TTC5: variants seen among roughly 807,000 people sequenced by gnomAD.
The protein encoded by TTC5 is tetratricopeptide repeat protein 5.
TTC5 carries 46 observed loss-of-function variants against 57.4 expected under a neutral mutation model. That is an observed-to-expected ratio of 0.80 (90% CI 0.63 to 1.03). The LOEUF is 1.03. Ranked by LOEUF, TTC5 falls within the 50% of genes least tolerant of loss-of-function variation. The probability of loss-of-function intolerance (pLI) is 0.00; values close to 1 mark genes in which losing one functional copy is unlikely to be tolerated. For missense variants in TTC5, 504 were observed against 528.1 expected (o/e 0.95, Z 0.45); for synonymous variants, 190 against 203.5 (o/e 0.93, Z 0.57).
Position 20,289,130 on chromosome 14 carries a change from G to GGT in TTC5, c.*496_*497insAC, listed in dbSNP as rs141950798. The GGT allele has an allele frequency of 6.8e-6, 1 of 146,366 alleles. No individual in the cohort carries two copies. The highest frequency in any genetic ancestry group is 1.5e-5 in the Non-Finnish European group (1 of 66,768). 9.1% of individuals were successfully genotyped at this position (146,366 alleles called of 1,614,324 possible). On this transcript the variant is annotated 3_prime_UTR_variant, in exon 10 of 10. Transcript: ENST00000258821. ...AATAAAGCAGGCCAAACTACGTGGT[G>GGT]TTTTTTTTTTTTTCCAAACAAATTT...
In TTC5 at chr14:20,305,894, T is replaced by C. The variant is rs746656005; in HGVS notation, c.44A>G (p.Lys15Arg). The change falls in exon 1 of 10, where the codon AAA becomes AGA. Residue 15 changes from lysine to arginine, a missense_variant. Lys to Arg is a conservative substitution (Grantham distance 26). Coordinates refer to ENST00000258821, the MANE Select transcript of TTC5 (RefSeq NM_138376.3). ...EEEEVKPILQ[K>R]LQELVDQLYS... ...TTTAATCTACGGCCCCACCTGCAATTTCTGCAAGATCGGCTTGACTTCTTC... is the reference window on the plus strand; with the variant it reads ...TTTAATCTACGGCCCCACCTGCAATCTCTGCAAGATCGGCTTGACTTCTTC... 3 of 1,614,056 alleles carry C rather than the reference T, an allele frequency of 1.9e-6. No homozygotes were observed. In the Admixed American group the frequency reaches 5.0e-5, roughly 27 times the overall value.
At chr14:20,305,034 G>A (rs894286206) in intron 1 of TTC5, among the ~76,000 whole-genome samples, 1 of 151,946 alleles carries the variant, frequency 6.6e-6, no homozygotes, top group Admixed American at 6.6e-5. Flanking sequence ...TTCTAATATA[G>A]AACCAGAATT....
chr14:20,289,558 G>T lies in TTC5; in HGVS notation c.*69C>A. The T allele has an allele frequency of 2.6e-6, 4 of 1,533,512 alleles. No individual in the cohort carries two copies. Among genetic ancestry groups the T allele is most frequent in the Non-Finnish European group, 3.5e-6 (4 of 1,139,740 alleles). 95.0% of individuals were successfully genotyped at this position (1,533,512 alleles called of 1,614,324 possible). A position where few individuals can be genotyped will look rare whatever the true frequency, so the allele number is the denominator to read the frequency against. On this transcript the variant is annotated 3_prime_UTR_variant, in exon 10 of 10. Transcript: ENST00000258821. ...TCCCATCCCTGCTGAATCACTGGAT[G>T]TGGCTGGACCGGCTGTCCAGAGCCT...
chr14:20,288,113 T>G lies in TTC5; in HGVS notation c.*1514A>C, dbSNP rs1881876106. On this transcript the variant is annotated 3_prime_UTR_variant, in exon 10 of 10. Coordinates refer to ENST00000258821, the MANE Select transcript of TTC5 (RefSeq NM_138376.3). ...GCTATACCTGAGAATGTAAGCCTTT[T>G]TGGACCAAAAGAATGGACTGAAAAT... is the stretch of plus-strand genomic sequence containing the variant. The G allele has an allele frequency of 6.6e-6, 1 of 152,212 alleles. No individual in the cohort carries two copies. The highest frequency in any genetic ancestry group is 2.4e-5 in the African/African-American group (1 of 41,466). The allele number at this position is 152,212 out of a possible 1,614,324, so 9.4% of individuals were successfully genotyped here. A position where few individuals can be genotyped will look rare whatever the true frequency, so the allele number is the denominator to read the frequency against.
chr14:20,293,791 G>A (rs189827708), intron 8 of TTC5: 4 of 152,358 alleles, frequency 2.6e-5, no homozygotes, highest in Admixed American at 2.6e-4. Flanking sequence ...TCAAGTGACT[G>A]AGAGGTGATA....
In TTC5 at chr14:20,295,813, G is replaced by A; in HGVS notation, c.738C>T (p.Gly246=). ...GGTCCAGGGCTGCAGCCCGAGAGAA[G>A]CCCTCCAGGGCCTCCCCATAACTCT... is the stretch of plus-strand genomic sequence containing the variant. ...YEESYGEALE[G]FSRAAALDPA... is the part of the protein sequence containing the mutation. The change falls in exon 7 of 10, where the codon GGC becomes GGT. Residue 246 remains glycine, a synonymous_variant. Coordinates refer to ENST00000258821, the MANE Select transcript of TTC5 (RefSeq NM_138376.3). 6.3e-7 allele frequency: 1 copy of A among 1,597,868 alleles called. No homozygotes were observed. Among genetic ancestry groups the A allele is most frequent in the East Asian group, 2.2e-5 (1 of 44,826 alleles).
chr14:20,300,809 T>C lies in TTC5; in HGVS notation c.194A>G (p.Gln65Arg). Reference sequence around the variant, plus strand: ...TAGCATTAGAACTTGTGCCTTGCCCTGGACAGAACCTAAGAGGAAGAAAAA... The same window carrying C: ...TAGCATTAGAACTTGTGCCTTGCCCCGGACAGAACCTAAGAGGAAGAAAAA... ...QQMEEVVGSV[Q>R]GKAQVLMLTG... The change falls in exon 3 of 10, where the codon CAG becomes CGG. Residue 65 changes from glutamine to arginine, a missense_variant. Coordinates refer to ENST00000258821, the MANE Select transcript of TTC5 (RefSeq NM_138376.3). 1.2e-6 allele frequency: 2 copies of C among 1,609,224 alleles called. No homozygotes were observed. The highest frequency in any genetic ancestry group is 1.7e-6 in the Non-Finnish European group (2 of 1,178,462).
rs776841005 is a variant in TTC5 at position 20,287,569 on chromosome 14, G to A, written c.*2058C>T. The A allele has an allele frequency of 5.9e-5, 9 of 152,142 alleles. No homozygotes were observed. Among genetic ancestry groups the A allele is most frequent in the Non-Finnish European group, 1.3e-4 (9 of 68,022 alleles). The allele number at this position is 152,142 out of a possible 1,614,324, so 9.4% of individuals were successfully genotyped here. On this transcript the variant is annotated 3_prime_UTR_variant, in exon 10 of 10. Coordinates refer to ENST00000258821, the MANE Select transcript of TTC5 (RefSeq NM_138376.3). ...TTATCAATGATGTTCTAGTTTTTAA[G>A]GCAGGTGGATATTTTATGGGTATTC...
In TTC5 at chr14:20,298,789, G is replaced by T. The variant is rs762532141; in HGVS notation, c.639+8C>A. The T allele has an allele frequency of 6.2e-7, 1 of 1,603,472 alleles. No individual in the cohort carries two copies. Among genetic ancestry groups the T allele is most frequent in the Non-Finnish European group, 8.5e-7 (1 of 1,170,322 alleles). ...TATTCATCTGGCCTGGTGACCATAA[G>T]TACTTACTGCTTGGGCATAGGCACT... On this transcript the variant is annotated splice_region_variant and intron_variant, in intron 5 of 9. Coordinates refer to ENST00000258821, the MANE Select transcript of TTC5 (RefSeq NM_138376.3).
intron 5 of TTC5, among the ~76,000 whole-genome samples, 162 bp downstream of exon 5, chr14:20,298,635 C>CA (rs1198860469): frequency 2.0e-5 from 3 of 152,182 alleles, no homozygotes; most frequent in East Asian, 1.9e-4. Flanking sequence ...TATAAGAAGT[C>CA]AGTCATCTCT....
At position 20,301,949 on chromosome 14, in the gene TTC5, A is replaced by G. The variant is rs145760471; in HGVS notation, c.68T>C (p.Leu23Pro). 1.9e-6 allele frequency: 3 copies of G among 1,613,968 alleles called. No homozygotes were observed. Among genetic ancestry groups the G allele is most frequent in the Non-Finnish European group, 2.5e-6 (3 of 1,179,992 alleles). The stretch of plus-strand genomic sequence containing the variant: ...GAAATAGCAGTCTCGAAATGAGTAG[A>G]GCTGATCCACGAGTTCCTAAAAAGT... ...LQKLQELVDQ[L>P]YSFRDCYFET... The change falls in exon 2 of 10, where the codon CTC becomes CCC. Residue 23 changes from leucine (L) to proline (P), a missense_variant. Leu to Pro is a moderately conservative substitution (Grantham distance 98). Transcript: ENST00000258821.
intron 8 of TTC5, 42 bp from the exon 9 acceptor site, chr14:20,292,169 G>A (rs760746779): frequency 5.6e-6 from 8 of 1,416,374 alleles, no homozygotes; most frequent in Middle Eastern, 1.9e-4. Flanking sequence ...AAACAAAAAG[G>A]TATGTGGGTA....
intron 6 of TTC5, among the ~76,000 whole-genome samples, chr14:20,296,127 T>C (rs1263751597): frequency 1.3e-5 from 2 of 152,196 alleles, no homozygotes; most frequent in Non-Finnish European, 2.9e-5. Context: ...ACCTTTATAT[T>C]TACTTAACAT....
chr14:20,299,302 G>C lies in TTC5; in HGVS notation c.543C>G (p.Ser181=). ...AGATCTTTTGAGAGCACTCACACCA[G>C]GAGCGGCCATCATGGACATCCATCT... The part of the protein sequence containing the change: ...AVQMDVHDGR[S]WYILGNSYLS... Residue 181 remains serine, a synonymous_variant, in exon 4 of 10, where the codon TCC becomes TCG. Coordinates refer to ENST00000258821, the MANE Select transcript of TTC5 (RefSeq NM_138376.3). 1.9e-6 allele frequency: 3 copies of C among 1,613,596 alleles called. No homozygotes were observed. The highest frequency in any genetic ancestry group is 2.5e-6 in the Non-Finnish European group (3 of 1,179,712).
rs978080810 is a variant in TTC5, at chr14:20,287,407, G to A, written c.*2220C>T. The stretch of plus-strand genomic sequence containing the variant: ...AGAATATTAATAATGTAGTGCTTTG[G>A]TAGTAAAAAAAGAAAAACTGGAAAC... On this transcript the variant is annotated 3_prime_UTR_variant, in exon 10 of 10. Coordinates refer to ENST00000258821, the MANE Select transcript of TTC5 (RefSeq NM_138376.3). The A allele has an allele frequency of 2.6e-5, 4 of 151,944 alleles. No homozygotes were observed. The highest frequency in any genetic ancestry group is 4.4e-5 in the Non-Finnish European group (3 of 68,012). 9.4% of individuals were successfully genotyped at this position (151,944 alleles called of 1,614,324 possible). A position where few individuals can be genotyped will look rare whatever the true frequency, so the allele number is the denominator to read the frequency against.
In TTC5 at chr14:20,300,841, A is replaced by C. The variant is rs370946276; in HGVS notation, c.185-23T>G. On this transcript the variant is annotated intron_variant, in intron 2 of 9. Transcript: ENST00000258821. Reference sequence around the variant, plus strand: ...AACCTAAGAGGAAGAAAAAAAGATAAAGTGGGAAAAAAACAAGTTAAAGAC... The same window carrying C: ...AACCTAAGAGGAAGAAAAAAAGATACAGTGGGAAAAAAACAAGTTAAAGAC... 31 of 1,562,548 alleles carry C rather than the reference A, an allele frequency of 2.0e-5. No homozygotes were observed. The African/African-American group carries it at 3.8e-4, about 19-fold the overall frequency.
In TTC5 at chr14:20,288,816, G is replaced by A. The variant is rs557940392; in HGVS notation, c.*811C>T. The A allele has an allele frequency of 5.3e-5, 8 of 152,282 alleles. No individual in the cohort carries two copies. In the East Asian group the frequency reaches 1.3e-3, roughly 26 times the overall value. The allele number at this position is 152,282 out of a possible 1,614,324, so 9.4% of individuals were successfully genotyped here. On this transcript the variant is annotated 3_prime_UTR_variant, in exon 10 of 10. Coordinates refer to ENST00000258821, the MANE Select transcript of TTC5 (RefSeq NM_138376.3). ...GTCACTAGACTCTAAAGAAACTGAG[G>A]ATTTATCTAACTCTCTCTGGTCCTT...
rs780832823 is a variant in TTC5, at chr14:20,305,907, G to A, written c.31C>T (p.Pro11Ser). Reference protein sequence around the residue: MMADEEEEVKPILQKLQELVD... With the variant: MMADEEEEVKSILQKLQELVD... Reference sequence around the variant, plus strand: ...CCCACCTGCAATTTCTGCAAGATCGGCTTGACTTCTTCCTCTTCATCAGCC... The same window carrying A: ...CCCACCTGCAATTTCTGCAAGATCGACTTGACTTCTTCCTCTTCATCAGCC... Residue 11 changes from proline to serine, a missense_variant, in exon 1 of 10, where the codon CCG becomes TCG. Physicochemically the swap from Pro to Ser is moderately conservative, Grantham distance 74 (BLOSUM62 -1). Transcript: ENST00000258821. 7 of 1,613,930 alleles carry A rather than the reference G, an allele frequency of 4.3e-6. 1 individual carries two copies. In the South Asian group the frequency reaches 7.7e-5, roughly 18 times the overall value.
intron 1 of TTC5, 53 bp downstream of exon 1, chr14:20,305,834 C>T (rs1406588232): frequency 3.8e-6 from 6 of 1,558,706 alleles, no homozygotes; most frequent in Non-Finnish European, 5.3e-6. Flanking sequence ...ACTGGACTCC[C>T]TGCTTCATTC....
Sources: allele counts gnomAD v4.1 joint callset (sites outside exome capture counted in the v4.1 genomes callset), GRCh38; gene constraint gnomAD v4.1.1; transcripts MANE v1.5; gene names NCBI Gene and HGNC (gene_info 2026-07-23, HGNC 2026-07-21).